PDE3A: variants seen among roughly 807,000 people sequenced by gnomAD.
PDE3A encodes cGMP-inhibited 3',5'-cyclic phosphodiesterase 3A.
PDE3A carries 43 observed loss-of-function variants against 98.3 expected under a neutral mutation model. The observed-to-expected ratio is 0.44, with a 90% CI of 0.34 to 0.56. The LOEUF is 0.56. Ranked by LOEUF, PDE3A falls within the 20% of genes least tolerant of loss-of-function variation. PDE3A has a pLI of 0.01. For synonymous variants in PDE3A, 663 were observed against 567.9 expected, an observed-to-expected ratio of 1.17 and a Z score of -2.38; for missense variants, 1,427 against 1,440.7, an observed-to-expected ratio of 0.99 and a Z score of 0.15.
chr12:20,511,688 G>T (rs1253735130), intron 1 of PDE3A, among the ~76,000 whole-genome samples: 1 of 152,072 alleles, frequency 6.6e-6, no homozygotes, highest in Admixed American at 6.6e-5. Context: ...GATGTATAGT[G>T]TAACTCGCCA....
intron 1 of PDE3A, among the ~76,000 whole-genome samples, chr12:20,403,850 T>C: frequency 6.6e-6 from 1 of 152,192 alleles, no homozygotes; most frequent in Middle Eastern, 3.4e-3. Flanking sequence ...TTTAGTTATA[T>C]ATAATACATA....
At chr12:20,530,752 A>G (rs1344060918) in intron 1 of PDE3A, among the ~76,000 whole-genome samples, 1 of 152,198 alleles carries the variant, frequency 6.6e-6, no homozygotes, top group Non-Finnish European at 1.5e-5. Flanking sequence ...CAAATTAAAC[A>G]ATGGAACAAG....
chr12:20,500,767 T>C (rs1946008683), intron 1 of PDE3A, among the ~76,000 whole-genome samples: 1 of 142,690 alleles, frequency 7.0e-6, no homozygotes, highest in Non-Finnish European at 1.5e-5. Context: ...ATTCTTTCTT[T>C]CTTTTTTTTT....
chr12:20,593,808 G>C (rs1442026209), intron 2 of PDE3A, among the ~76,000 whole-genome samples: 1 of 152,154 alleles, frequency 6.6e-6, no homozygotes, highest in African/African-American at 2.4e-5. Flanking sequence ...CGAAGGAGTG[G>C]TCAGTGTTGG....
At chr12:20,673,299 T>C (rs1945541362) in intron 15 of PDE3A, among the ~76,000 whole-genome samples, 1 of 150,640 alleles carries the variant, frequency 6.6e-6, no homozygotes, top group African/African-American at 2.4e-5. Flanking sequence ...TGGCGATTCC[T>C]CAGGGATCTA....
chr12:20,441,706 G>A (rs1944873537), intron 1 of PDE3A, among the ~76,000 whole-genome samples: 1 of 152,132 alleles, frequency 6.6e-6, no homozygotes, highest in Non-Finnish European at 1.5e-5. Context: ...TCTGTAAGCT[G>A]TGGTCACTCA....
intron 1 of PDE3A, among the ~76,000 whole-genome samples, chr12:20,397,856 A>G (rs1944046068): frequency 6.6e-6 from 1 of 152,120 alleles, no homozygotes; most frequent in African/African-American, 2.4e-5. Context: ...TAATTATACA[A>G]ATTCTGACAA....
intron 2 of PDE3A, among the ~76,000 whole-genome samples, chr12:20,593,742 T>C (rs1943397889): frequency 6.6e-6 from 1 of 152,158 alleles, no homozygotes; most frequent in Admixed American, 6.5e-5. Flanking sequence ...TATTTTCTTT[T>C]GGAAAGTTGA....
intron 15 of PDE3A, among the ~76,000 whole-genome samples, chr12:20,679,145 A>G (rs1945708147): frequency 6.6e-6 from 1 of 152,228 alleles, no homozygotes. Flanking sequence ...ACATTTCAGG[A>G]TAGACAATAC....
chr12:20,587,523 G>A (rs2121364651), intron 2 of PDE3A, among the ~76,000 whole-genome samples: 1 of 152,140 alleles, frequency 6.6e-6, no homozygotes, highest in African/African-American at 2.4e-5. Flanking sequence ...TTGACAGAGA[G>A]TACAAACATT....
At chr12:20,378,034 A>G (rs957064873) in intron 1 of PDE3A, among the ~76,000 whole-genome samples, 6 of 151,780 alleles carry the variant, frequency 4.0e-5, no homozygotes, top group South Asian at 2.1e-4. Flanking sequence ...GCTTTAATGG[A>G]TGAAAATTGT....
chr12:20,652,386 CA>C (rs140247874), intron 14 of PDE3A, among the ~76,000 whole-genome samples: 74,956 of 151,762 alleles, frequency 0.49, 19,443 homozygotes, highest in East Asian at 0.71. Context: ...GTCCCACCAA[CA>C]GTGTAAAAGT....
At chr12:20,673,894 G>A in intron 15 of PDE3A, among the ~76,000 whole-genome samples, 1 of 151,934 alleles carries the variant, frequency 6.6e-6, no homozygotes, top group East Asian at 1.9e-4. Context: ...AGATTGCACT[G>A]AATCCATACA....
intron 1 of PDE3A, among the ~76,000 whole-genome samples, chr12:20,547,870 T>A (rs1212587622): frequency 3.3e-5 from 5 of 152,134 alleles, no homozygotes. Context: ...AATCTATTTC[T>A]CATGCTATTG....
At chr12:20,453,689 G>A (rs886555346) in intron 1 of PDE3A, among the ~76,000 whole-genome samples, 2 of 152,094 alleles carry the variant, frequency 1.3e-5, no homozygotes, top group African/African-American at 4.8e-5. Context: ...GATCATGTTC[G>A]GGAAATCATG....
intron 1 of PDE3A, among the ~76,000 whole-genome samples, chr12:20,524,618 T>C (rs913847066): frequency 2.6e-5 from 4 of 151,984 alleles, no homozygotes; most frequent in African/African-American, 7.2e-5. Context: ...GTATTACATA[T>C]GCATATCATT....
At chr12:20,611,304 T>A (rs1943846635) in intron 2 of PDE3A, among the ~76,000 whole-genome samples, 1 of 152,084 alleles carries the variant, frequency 6.6e-6, no homozygotes, top group East Asian at 1.9e-4. Flanking sequence ...TAAATTTTCA[T>A]ATTGGTTCAT....
chr12:20,400,379 GTTTTTTTTTT>G lies in PDE3A; in HGVS notation c.960+30171_960+30180del, dbSNP rs75851941. Among the ~76,000 whole-genome samples the G allele has an allele frequency of 8.5e-3, 932 of 110,242 alleles. 9 individuals are homozygous for G. The highest frequency in any genetic ancestry group is 0.013 in the Non-Finnish European group (742 of 57,378). The allele number at this position is 110,242 out of a possible 152,430, so 72.3% of individuals were successfully genotyped here. ...AGCTCATGTTGACTCGTTAACATTG[GTTTTTTTTTT>G]TTTTTTTTTTTTTTTTTTTTTTTTT... On this transcript the variant is annotated intron_variant, in intron 1 of 15. Transcript: ENST00000359062.
chr12:20,369,385 A>G lies in PDE3A; in HGVS notation c.101A>G (p.Asp34Gly), dbSNP rs1046107000. ...GGCCGGGACTGCCACCATCGTGCGGACCCCGCATCGCCGCGGGACTCGGGC... is the reference window on the plus strand; with the variant it reads ...GGCCGGGACTGCCACCATCGTGCGGGCCCCGCATCGCCGCGGGACTCGGGC... ...TAGRDCHHRA[D>G]PASPRDSGCR... is the part of the protein sequence containing the mutation. Residue 34 changes from aspartate (D) to glycine (G), a missense_variant, in exon 1 of 16, where the codon GAC (aspartate) becomes GGC (glycine). Asp to Gly is a moderately conservative substitution (Grantham distance 94). Around this residue, in one of 3 missense-constraint regions of PDE3A, gnomAD observed 1,012 missense variants for 886.5 expected, o/e 1.14. Transcript: ENST00000359062. 15 of 1,550,102 alleles carry G rather than the reference A, an allele frequency of 9.7e-6. No individual in the cohort carries two copies. Among genetic ancestry groups the G allele is most frequent in the Admixed American group, 5.8e-5 (3 of 51,316 alleles).
Sources: gnomAD v4.1 joint callset for allele counts (sites outside exome capture counted in the v4.1 genomes callset) on GRCh38, gnomAD v4.1.1 for gene constraint, gnomAD v4.1.1 regional missense constraint, MANE v1.5 for transcripts, NCBI Gene and HGNC (gene_info 2026-07-23, HGNC 2026-07-21) for gene names.